The following ARB2A variants were observed in gnomAD, a reference collection of about 807,000 sequenced individuals.
ARB2A encodes the protein cotranscriptional regulator ARB2A.
the ARB2A span, among the ~76,000 whole-genome samples, chr5:94,049,663 CA>C: frequency 1.3e-5 from 2 of 150,510 alleles, no homozygotes; most frequent in Admixed American, 6.6e-5. Context: ...ACTAAAAGTA[CA>C]AAAAAAAATT....
At chr5:94,052,525 A>G in the ARB2A span, among the ~76,000 whole-genome samples, 1 of 152,172 alleles carries the variant, frequency 6.6e-6, no homozygotes, top group East Asian at 1.9e-4. Flanking sequence ...TACAACTCAG[A>G]TGCACCTACC....
At chr5:93,830,311 G>GTGTGTATGTGTGTGTATATATATATATA in the ARB2A span, among the ~76,000 whole-genome samples, 1 of 82,260 alleles carries the variant, frequency 1.2e-5, no homozygotes, top group Non-Finnish European at 2.4e-5. Context: ...GTGTGTGTGT[G>GTGTGTATGTGTGTGTATATATATATATA]TATATATATA....
the ARB2A span, among the ~76,000 whole-genome samples, chr5:94,076,055 T>C: frequency 1.3e-5 from 2 of 152,338 alleles, no homozygotes; most frequent in African/African-American, 2.4e-5. Context: ...TCCATAATTA[T>C]GTGCACAACA....
At chr5:93,932,666 C>A in the ARB2A span, among the ~76,000 whole-genome samples, 1 of 152,126 alleles carries the variant, frequency 6.6e-6, no homozygotes, top group Non-Finnish European at 1.5e-5. Context: ...ATAATTGGAA[C>A]TGTTTTTCAT....
At chr5:94,078,729 C>T in the ARB2A span, among the ~76,000 whole-genome samples, 1 of 151,722 alleles carries the variant, frequency 6.6e-6, no homozygotes, top group Admixed American at 6.6e-5. Flanking sequence ...CCTTAGTTTC[C>T]CAAGCAACAT....
chr5:93,762,409 A>G, the ARB2A span, among the ~76,000 whole-genome samples: 36 of 152,258 alleles, frequency 2.4e-4, 1 homozygote, highest in Admixed American at 2.4e-3. Context: ...CGAATGCACA[A>G]GCCTCAGTAG....
At chr5:94,102,085 A>G in the ARB2A span, among the ~76,000 whole-genome samples, 2,217 of 151,334 alleles carry the variant, frequency 0.015, 50 homozygotes, top group African/African-American at 0.05. Context: ...AGGAAATAAT[A>G]TTAATAATTC....
the ARB2A span, among the ~76,000 whole-genome samples, chr5:94,027,029 G>C: frequency 6.6e-6 from 1 of 152,290 alleles, no homozygotes; most frequent in South Asian, 2.1e-4. Flanking sequence ...TTTCAAGGAT[G>C]CTGGCAGTAG....
the ARB2A span, among the ~76,000 whole-genome samples, chr5:93,868,189 C>T: frequency 6.6e-6 from 1 of 152,068 alleles, no homozygotes. Flanking sequence ...GGTGTGGTGG[C>T]ACATGCCTGT....
At chr5:93,935,681 T>A in the ARB2A span, among the ~76,000 whole-genome samples, 1 of 152,122 alleles carries the variant, frequency 6.6e-6, no homozygotes, top group Non-Finnish European at 1.5e-5. Context: ...CCAAAGAGAA[T>A]CTTCATAATG....
the ARB2A span, among the ~76,000 whole-genome samples, chr5:94,005,796 A>G: frequency 6.6e-6 from 1 of 152,214 alleles, no homozygotes; most frequent in Admixed American, 6.5e-5. Flanking sequence ...CTCCATCATT[A>G]GCCATTAGTG....
the ARB2A span, among the ~76,000 whole-genome samples, chr5:93,668,596 A>C: frequency 6.6e-6 from 1 of 152,218 alleles, no homozygotes; most frequent in African/African-American, 2.4e-5. Context: ...CAAAGAACAA[A>C]ATGCAAATTT....
the ARB2A span, among the ~76,000 whole-genome samples, chr5:93,804,320 C>G: frequency 1.3e-5 from 2 of 152,054 alleles, no homozygotes; most frequent in South Asian, 4.1e-4. Context: ...ATCTGAGTAT[C>G]TAATAAGTAA....
chr5:94,042,314 CTTTTTTTTTTT>C, the ARB2A span, among the ~76,000 whole-genome samples: 1 of 103,068 alleles, frequency 9.7e-6, no homozygotes, highest in Non-Finnish European at 1.9e-5. Flanking sequence ...AAAAGATCAG[CTTTTTTTTTTT>C]TTTTTTTTTT....
At chr5:93,818,378 T>C in the ARB2A span, among the ~76,000 whole-genome samples, 1 of 152,206 alleles carries the variant, frequency 6.6e-6, no homozygotes, top group Non-Finnish European at 1.5e-5. Context: ...CTGTATATTT[T>C]ATTTAAAGGA....
the ARB2A span, chr5:93,805,636 G>T: frequency 1.0e-6 from 1 of 984,896 alleles, no homozygotes; most frequent in African/African-American, 1.8e-5. Flanking sequence ...TCCAATTTGG[G>T]TCCATACAAG....
At chr5:93,624,690 G>T in the ARB2A span, among the ~76,000 whole-genome samples, 3 of 152,226 alleles carry the variant, frequency 2.0e-5, no homozygotes, top group African/African-American at 7.2e-5. Context: ...GGATATTTTC[G>T]ATGGTCAAGA....
At chr5:94,025,256 A>G in the ARB2A span, among the ~76,000 whole-genome samples, 2 of 152,208 alleles carry the variant, frequency 1.3e-5, no homozygotes, top group Admixed American at 6.5e-5. Flanking sequence ...GATGCTCAGA[A>G]GTCCAAGATC....
chr5:94,006,001 CTACAA>C, the ARB2A span, among the ~76,000 whole-genome samples: 1 of 152,172 alleles, frequency 6.6e-6, no homozygotes, highest in Non-Finnish European at 1.5e-5. Context: ...AAACATGCAA[CTACAA>C]TACAACTAGC....
Sources: gnomAD v4.1 joint callset for allele counts (sites outside exome capture counted in the v4.1 genomes callset) on GRCh38, gnomAD v4.1.1 for gene constraint, MANE v1.5 for transcripts, NCBI Gene and HGNC (gene_info 2026-07-23, HGNC 2026-07-21) for gene names.